The following RHEB variants were observed in gnomAD, a reference collection of about 807,000 sequenced individuals.
RHEB encodes the protein Ras homolog, mTORC1 binding.
In RHEB, 2 loss-of-function variants were observed where a neutral mutation model predicts 28.8. The observed-to-expected ratio is 0.07, with a 90% CI of 0.03 to 0.22. RHEB has a LOEUF of 0.22. RHEB is among the 10% of genes least tolerant of loss of function. The pLI, the probability that RHEB is intolerant of heterozygous loss-of-function variation, is 1.00. For missense variants in RHEB, 76 were observed against 219.9 expected (o/e 0.35, Z 4.14); for synonymous variants, 69 against 77.3 (o/e 0.89, Z 0.56).
At chr7:151,512,016 T>G (rs914898927) in intron 1 of RHEB, among the ~76,000 whole-genome samples, 2 of 152,260 alleles carry the variant, frequency 1.3e-5, no homozygotes, top group African/African-American at 4.8e-5. Flanking sequence ...ATTCTCACAG[T>G]TAGCAAGAAT....
At chr7:151,473,983 G>C (rs1412128196) in intron 4 of RHEB, among the ~76,000 whole-genome samples, 1 of 152,142 alleles carries the variant, frequency 6.6e-6, no homozygotes, top group Non-Finnish European at 1.5e-5. Flanking sequence ...ATCTCACTCG[G>C]AAGAAACCGA....
intron 1 of RHEB, among the ~76,000 whole-genome samples, chr7:151,498,335 T>C (rs966874461): frequency 6.6e-6 from 1 of 152,154 alleles, no homozygotes; most frequent in Non-Finnish European, 1.5e-5. Flanking sequence ...TACCACTGAA[T>C]TGAAAGGATA....
intron 1 of RHEB, chr7:151,518,906 TGC>T (rs1223812523): frequency 1.3e-5 from 2 of 152,156 alleles, no homozygotes; most frequent in Non-Finnish European, 2.9e-5. Flanking sequence ...GCAGAAAACT[TGC>T]GTTCAGTGCC....
At chr7:151,473,091 ATC>A (rs1486944666) in intron 4 of RHEB, among the ~76,000 whole-genome samples, 1 of 152,238 alleles carries the variant, frequency 6.6e-6, no homozygotes, top group Non-Finnish European at 1.5e-5. Context: ...ACTGTGTGTC[ATC>A]TCCCTGCATG....
rs889010756 is a variant in RHEB at position 151,472,855 on chromosome 7, C to A, written c.276-1250G>T. On this transcript the variant is annotated intron_variant, in intron 4 of 7. Coordinates refer to ENST00000262187, the MANE Select transcript of RHEB (RefSeq NM_005614.4). The surrounding 1 kb of genome is among the most constrained non-coding windows in gnomAD (Gnocchi z 5.2). ...ACAAAAATGAAATTTAACCCCCCTA[C>A]AAGCTCGCTGTGGGTCAACAAATGG... Among the ~76,000 whole-genome samples the A allele has an allele frequency of 6.6e-6, 1 of 152,236 alleles. No individual in the cohort carries two copies. Among genetic ancestry groups the A allele is most frequent in the Non-Finnish European group, 1.5e-5 (1 of 68,032 alleles).
intron 1 of RHEB, among the ~76,000 whole-genome samples, chr7:151,516,440 T>C (rs1803079753): frequency 6.6e-6 from 1 of 151,918 alleles, no homozygotes; most frequent in African/African-American, 2.4e-5. Flanking sequence ...CTGGCCAAGA[T>C]GGTGAAACCC....
rs143117702 is a variant in RHEB at position 151,512,894 on chromosome 7, C to T, written c.52+6566G>A. On this transcript the variant is annotated intron_variant, in intron 1 of 7. Transcript: ENST00000262187. ...TATCATTTGCCTTTTCCACAAAGTTCCCATTTGTACTAAGGGTGCAAAAGC... is the reference window on the plus strand; with the variant it reads ...TATCATTTGCCTTTTCCACAAAGTTTCCATTTGTACTAAGGGTGCAAAAGC... Among the ~76,000 whole-genome samples, 1,093 of 152,266 alleles carry T rather than the reference C, an allele frequency of 7.2e-3. 4 individuals carry two copies. The highest frequency in any genetic ancestry group is 0.011 in the Non-Finnish European group (771 of 68,028).
At chr7:151,467,444 A>G (rs560796280) in intron 7 of RHEB, among the ~76,000 whole-genome samples, 1 of 152,016 alleles carries the variant, frequency 6.6e-6, no homozygotes, top group South Asian at 2.1e-4. Flanking sequence ...TGTTTCCTTC[A>G]GGCACCAGGA....
chr7:151,483,071 C>G (rs1802405624), intron 3 of RHEB, among the ~76,000 whole-genome samples: 1 of 152,026 alleles, frequency 6.6e-6, no homozygotes, highest in African/African-American at 2.4e-5. Context: ...TCACCACCAG[C>G]AGGGAGTGTG....
intron 1 of RHEB, among the ~76,000 whole-genome samples, chr7:151,493,933 C>T (rs1185494361): frequency 6.6e-6 from 1 of 151,912 alleles, no homozygotes; most frequent in Non-Finnish European, 1.5e-5. Context: ...AATGCTACTG[C>T]TTAAAGAAAT....
intron 1 of RHEB, chr7:151,502,128 T>C (rs1802783184): frequency 7.2e-6 from 3 of 416,392 alleles, no homozygotes; most frequent in South Asian, 5.7e-5. Flanking sequence ...CCCAGCTACT[T>C]GGGAGGCTGA....
At chr7:151,502,482 CTG>C (rs1802790365) in intron 1 of RHEB, 4 of 893,224 alleles carry the variant, frequency 4.5e-6, no homozygotes, top group Non-Finnish European at 7.7e-6. Context: ...TGTGGAACAA[CTG>C]TAACAGAAGA....
intron 4 of RHEB, among the ~76,000 whole-genome samples, chr7:151,474,854 A>C (rs558306524): frequency 2.0e-5 from 3 of 152,388 alleles, no homozygotes; most frequent in Non-Finnish European, 2.9e-5. Flanking sequence ...AAACTGGTTG[A>C]TTCAGAAAGT....
chr7:151,507,847 C>T (rs749067512), intron 1 of RHEB, among the ~76,000 whole-genome samples: 1 of 151,880 alleles, frequency 6.6e-6, no homozygotes, highest in Non-Finnish European at 1.5e-5. Context: ...ATAAGAAATA[C>T]GTTTAATTAT....
At chr7:151,479,961 C>G (rs1802353343) in intron 3 of RHEB, among the ~76,000 whole-genome samples, 1 of 152,174 alleles carries the variant, frequency 6.6e-6, no homozygotes, top group Admixed American at 6.5e-5. Flanking sequence ...TAGGAAAAAT[C>G]AAAGCCCCTC....
At chr7:151,477,485 T>C in intron 3 of RHEB, 70 bp from the exon 4 acceptor site, 1 of 838,106 alleles carries the variant, frequency 1.2e-6, no homozygotes, top group South Asian at 1.5e-5. Flanking sequence ...CCCAAAGTTT[T>C]TCATGTATTA....
At chr7:151,508,898 T>C (rs868604148) in intron 1 of RHEB, among the ~76,000 whole-genome samples, 1 of 152,202 alleles carries the variant, frequency 6.6e-6, no homozygotes, top group East Asian at 1.9e-4. Flanking sequence ...AATACTTCCA[T>C]AGAAGTCTAA....
intron 4 of RHEB, 138 bp downstream of exon 4, chr7:151,477,195 C>T: frequency 1.5e-6 from 1 of 647,154 alleles, no homozygotes; most frequent in Non-Finnish European, 2.7e-6. Flanking sequence ...AATCCAGTTG[C>T]TCCACGAGAA....
Position 151,501,738 on chromosome 7 carries a change from C to T in RHEB, c.53-10724G>A, listed in dbSNP as rs1037381018. Reference sequence around the variant, plus strand: ...TAAACCCATCCCGCAGCCTTGTGCTCCGCCCCTGGCGGAGGAAGTGACATC... The same window carrying T: ...TAAACCCATCCCGCAGCCTTGTGCTTCGCCCCTGGCGGAGGAAGTGACATC... On this transcript the variant is annotated intron_variant, in intron 1 of 7. Transcript: ENST00000262187. The T allele has an allele frequency of 2.2e-5, 5 of 229,160 alleles. No individual in the cohort carries two copies. In the South Asian group the frequency reaches 3.4e-4, roughly 16 times the overall value. The allele number at this position is 229,160 out of a possible 1,614,324, so 14.2% of individuals were successfully genotyped here. A position where few individuals can be genotyped will look rare whatever the true frequency, so the allele number is the denominator to read the frequency against.
Sources: allele counts gnomAD v4.1 joint callset (sites outside exome capture counted in the v4.1 genomes callset), GRCh38; gene constraint gnomAD v4.1.1; non-coding constraint Gnocchi (gnomAD v3.1); transcripts MANE v1.5; gene names NCBI Gene and HGNC (gene_info 2026-07-23, HGNC 2026-07-21).